TBC1D5: variants seen among roughly 807,000 people sequenced by gnomAD.
The protein encoded by TBC1D5 is TBC1 domain family member 5, also known as TBC1 domain family, member 5.
TBC1D5 carries 75 observed loss-of-function variants against 100.3 expected under a neutral mutation model. The observed-to-expected ratio is 0.75, with a 90% CI of 0.62 to 0.91. The LOEUF (loss-of-function observed/expected upper bound fraction) is 0.91. TBC1D5 is among the 40% of genes least tolerant of loss of function. TBC1D5 has a pLI of 0.00. For missense variants in TBC1D5, 910 were observed against 942.4 expected, an observed-to-expected ratio of 0.97 and a Z score of 0.45; for synonymous variants, 323 against 325.6, an observed-to-expected ratio of 0.99 and a Z score of 0.09.
At chr3:17,163,256 C>G (rs992772906) in intron 21 of TBC1D5, among the ~76,000 whole-genome samples, 6 of 137,684 alleles carry the variant, frequency 4.4e-5, no homozygotes, top group Non-Finnish European at 9.3e-5. Flanking sequence ...CTTTTATTGA[C>G]CCCCCCCCCT....
intron 18 of TBC1D5, among the ~76,000 whole-genome samples, chr3:17,199,512 A>G (rs2125777017): frequency 6.6e-6 from 1 of 152,362 alleles, no homozygotes; most frequent in Middle Eastern, 3.4e-3. Context: ...GAGTGTACAA[A>G]TATGCTTCAA....
rs781703922 is a variant in TBC1D5, at chr3:17,495,678, CCTT to C, written c.97+12793_97+12795del. The stretch of plus-strand genomic sequence containing the variant: ...GAGTGGAAAAGCTTGCTCACCATCT[CCTT>C]CTGCAGAGCTTTTTCATAGGCTATT... On this transcript the variant is annotated intron_variant, in intron 3 of 21. Coordinates refer to ENST00000253692, the Ensembl canonical transcript of TBC1D5. Among the ~76,000 whole-genome samples, 15 of 152,318 alleles carry C rather than the reference CCTT, an allele frequency of 9.8e-5. No homozygotes were observed. The South Asian group carries it at 2.9e-3, about 29-fold the overall frequency.
intron 1 of TBC1D5, among the ~76,000 whole-genome samples, chr3:17,692,025 C>T (rs1184616444): frequency 2.6e-5 from 4 of 151,976 alleles, no homozygotes; most frequent in Non-Finnish European, 5.9e-5. Flanking sequence ...AAAGAGCATA[C>T]AGTAAGAATG....
At chr3:17,403,076 A>G (rs1267975989) in intron 8 of TBC1D5, 105 bp downstream of exon 8, 7 of 888,530 alleles carry the variant, frequency 7.9e-6, no homozygotes, top group Admixed American at 2.9e-5. Flanking sequence ...CAAGTAGAAT[A>G]CTGCATTCAA....
chr3:17,327,708 G>A (rs1373408726), intron 13 of TBC1D5, among the ~76,000 whole-genome samples: 1 of 151,680 alleles, frequency 6.6e-6, no homozygotes, highest in Non-Finnish European at 1.5e-5. Flanking sequence ...TTTTTCCATG[G>A]TACTTATTAC....
intron 1 of TBC1D5, among the ~76,000 whole-genome samples, chr3:17,635,151 G>A: frequency 6.6e-6 from 1 of 152,180 alleles, no homozygotes; most frequent in Non-Finnish European, 1.5e-5. Context: ...GGATGGATCT[G>A]CTATCAACAG....
At chr3:17,257,656 C>T (rs1019096646) in intron 16 of TBC1D5, among the ~76,000 whole-genome samples, 8 of 152,170 alleles carry the variant, frequency 5.3e-5, no homozygotes, top group Admixed American at 3.9e-4. Context: ...TAAACTTCTT[C>T]TCATCCCTTA....
intron 3 of TBC1D5, among the ~76,000 whole-genome samples, chr3:17,451,810 C>T (rs2094934505): frequency 6.6e-6 from 1 of 152,048 alleles, no homozygotes; most frequent in Non-Finnish European, 1.5e-5. Context: ...GTAATCCCTG[C>T]TCGGAGGGCT....
At chr3:17,168,740 CAGTG>C (rs2066887580) in intron 19 of TBC1D5, among the ~76,000 whole-genome samples, 2 of 152,200 alleles carry the variant, frequency 1.3e-5, no homozygotes, top group African/African-American at 4.8e-5. Flanking sequence ...AGAATCACTA[CAGTG>C]AGTATGTTCA....
At chr3:17,321,164 C>T (rs544526921) in intron 13 of TBC1D5, among the ~76,000 whole-genome samples, 18 of 152,302 alleles carry the variant, frequency 1.2e-4, no homozygotes, top group African/African-American at 4.3e-4. Context: ...AACTCCTAGG[C>T]TCAAGCAATC....
chr3:17,609,891 A>G (rs1216708614), intron 2 of TBC1D5, among the ~76,000 whole-genome samples: 1 of 152,198 alleles, frequency 6.6e-6, no homozygotes, highest in Admixed American at 6.5e-5. Context: ...TCTCTACCTG[A>G]CATTCCATAC....
At chr3:17,386,551 C>A (rs781154151) in intron 8 of TBC1D5, among the ~76,000 whole-genome samples, 1 of 152,104 alleles carries the variant, frequency 6.6e-6, no homozygotes, top group Admixed American at 6.6e-5. Context: ...ACAGCTTACA[C>A]GTCTGCCAAT....
rs58787705 is a variant in TBC1D5 at position 17,174,588 on chromosome 3, TTTGTTG to T, written c.1853-6766_1853-6761del. Among the ~76,000 whole-genome samples, 15 of 151,698 alleles carry T rather than the reference TTTGTTG, an allele frequency of 9.9e-5. No homozygotes were observed. The East Asian group carries it at 1.6e-3, about 16-fold the overall frequency. The stretch of plus-strand genomic sequence containing the variant: ...CCATTCCCCTAGAACCTGTTTTGTC[TTTGTTG>T]TTGTTGTTGTTGTTTTTGAGACAGA... On this transcript the variant is annotated intron_variant, in intron 19 of 21. Coordinates refer to ENST00000253692, the Ensembl canonical transcript of TBC1D5.
chr3:17,339,942 G>A (rs1477365551), intron 13 of TBC1D5, among the ~76,000 whole-genome samples: 1 of 152,204 alleles, frequency 6.6e-6, no homozygotes, highest in African/African-American at 2.4e-5. Context: ...GTTAATGTGA[G>A]AAATATAGCA....
At chr3:17,538,726 T>A (rs1355250031) in intron 2 of TBC1D5, among the ~76,000 whole-genome samples, 2 of 152,184 alleles carry the variant, frequency 1.3e-5, no homozygotes, top group African/African-American at 4.8e-5. Context: ...TGGCAACTTG[T>A]CAACAGAGTT....
intron 1 of TBC1D5, among the ~76,000 whole-genome samples, chr3:17,669,485 A>C (rs2067679644): frequency 6.6e-6 from 1 of 152,224 alleles, no homozygotes; most frequent in Non-Finnish European, 1.5e-5. Flanking sequence ...ACTTGGATTA[A>C]AATTCCTAAA....
At chr3:17,672,368 GA>G (rs1375392975) in intron 1 of TBC1D5, among the ~76,000 whole-genome samples, 1 of 152,068 alleles carries the variant, frequency 6.6e-6, no homozygotes, top group Non-Finnish European at 1.5e-5. Flanking sequence ...ACTGTTAACT[GA>G]AAGAATTATA....
chr3:17,602,733 C>T (rs1241822526), intron 2 of TBC1D5, among the ~76,000 whole-genome samples: 1 of 151,794 alleles, frequency 6.6e-6, no homozygotes, highest in African/African-American at 2.4e-5. Flanking sequence ...CCACCACACC[C>T]AGCTAATTTT....
chr3:17,466,702 A>T (rs1242748082), intron 3 of TBC1D5, among the ~76,000 whole-genome samples: 2 of 152,200 alleles, frequency 1.3e-5, no homozygotes, highest in Non-Finnish European at 1.5e-5. Context: ...CCACTAGACA[A>T]GACATTCCTA....
Sources: allele counts gnomAD v4.1 joint callset (sites outside exome capture counted in the v4.1 genomes callset), GRCh38; gene constraint gnomAD v4.1.1; transcripts MANE v1.5; gene names NCBI Gene and HGNC (gene_info 2026-07-23, HGNC 2026-07-21).